Variants in CSF2RA observed in about 807,000 individuals in gnomAD.
The protein encoded by CSF2RA is colony stimulating factor 2 receptor subunit alpha, also known as granulocyte-macrophage colony-stimulating factor receptor subunit alpha.
A neutral mutation model predicts 51.6 loss-of-function variants in CSF2RA; 42 were observed. The ratio of observed to expected loss-of-function variants is 0.81; its 90% CI spans 0.64 to 1.05. The LOEUF (loss-of-function observed/expected upper bound fraction) is 1.05, where lower values mean the gene tolerates loss of function less well. Among genes scored for constraint, CSF2RA ranks in the 50% least tolerant of loss-of-function variants. The pLI is 0.00. For missense variants in CSF2RA, 530 were observed against 501.1 expected, an observed-to-expected ratio of 1.06 and a Z score of -0.55; for synonymous variants, 222 against 193.0, an observed-to-expected ratio of 1.15 and a Z score of -1.24.
At chrX:1,318,548 C>A in the CSF2RA span, among the ~76,000 whole-genome samples, 6 of 152,162 alleles carry the variant, frequency 3.9e-5, no homozygotes, top group South Asian at 1.2e-3. Flanking sequence ...CCCCACTCCC[C>A]CTGAGCCGCC....
Position 1,285,771 on chromosome X carries a change from C to T in CSF2RA, c.77-7C>T. Reference sequence around the variant, plus strand: ...GAAATTCTGAACCCAGTGCCCGCTCCTTGCAGATCTGCGAACAGTGGCACC... The same window carrying T: ...GAAATTCTGAACCCAGTGCCCGCTCTTTGCAGATCTGCGAACAGTGGCACC... On this transcript the variant is annotated splice_region_variant and splice_polypyrimidine_tract_variant and intron_variant, in intron 3 of 12. Transcript: ENST00000381529. The T allele has an allele frequency of 1.9e-6, 3 of 1,612,278 alleles. No homozygotes were observed. Among genetic ancestry groups the T allele is most frequent in the Non-Finnish European group, 2.5e-6 (3 of 1,179,390 alleles).
Position 1,309,883 on chromosome X carries a change from A to T in CSF2RA, c.*404A>T. On this transcript the variant is annotated 3_prime_UTR_variant, in exon 13 of 13. Transcript: ENST00000381529. ...AACCTGCGTGACAGAGCAAGATTGC[A>T]TCTCAAAACAAACAATAATAATAAA... The T allele has an allele frequency of 1.7e-6, 1 of 583,638 alleles. No individual in the cohort carries two copies. Among genetic ancestry groups the T allele is most frequent in the Non-Finnish European group, 3.0e-6 (1 of 329,784 alleles). The allele number at this position is 583,638 out of a possible 1,614,324, so 36.2% of individuals were successfully genotyped here.
chrX:1,286,471 AGGC>A (rs1450609289), intron 4 of CSF2RA, among the ~76,000 whole-genome samples: 3 of 110,806 alleles, frequency 2.7e-5, no homozygotes, highest in African/African-American at 9.4e-5. Context: ...CGGGAGGCTG[AGGC>A]AGGAGAATTA....
At chrX:1,289,675 TG>T (rs2091155888) in intron 6 of CSF2RA, among the ~76,000 whole-genome samples, 1 of 150,100 alleles carries the variant, frequency 6.7e-6, no homozygotes, top group South Asian at 2.1e-4. Context: ...GTTTTTGTTT[TG>T]TGTTGTGTTT....
At position 1,309,185 on chromosome X, in the gene CSF2RA, G is replaced by C. The variant is rs188160573; in HGVS notation, c.1126-217G>C. Among the ~76,000 whole-genome samples the C allele has an allele frequency of 3.3e-5, 5 of 152,076 alleles. No individual in the cohort carries two copies. In the East Asian group the frequency reaches 5.8e-4, roughly 18 times the overall value. On this transcript the variant is annotated intron_variant, in intron 12 of 12. Coordinates refer to ENST00000381529, the MANE Select transcript of CSF2RA (RefSeq NM_172245.4). The stretch of plus-strand genomic sequence containing the variant: ...CTGATCAGTCAAATTTGTGGTGGCG[G>C]GCGCCTGTAATCCCAGCTACTCAGG...
intron 12 of CSF2RA, chrX:1,305,789 C>T (rs1207901438): frequency 4.2e-5 from 65 of 1,550,454 alleles, no homozygotes; most frequent in Non-Finnish European, 5.1e-5. Context: ...GAGGAGAAGA[C>T]GGTAGAGAGG....
At chrX:1,272,381 CA>C (rs56208355) in intron 1 of CSF2RA, among the ~76,000 whole-genome samples, 32 of 142,704 alleles carry the variant, frequency 2.2e-4, no homozygotes, top group South Asian at 1.3e-3. Context: ...GATCCTGGTA[CA>C]AAAAAAAAAA....
At chrX:1,293,484 G>C (rs1214117406) in intron 7 of CSF2RA, among the ~76,000 whole-genome samples, 2 of 149,374 alleles carry the variant, frequency 1.3e-5, no homozygotes, top group Non-Finnish European at 3.0e-5. Context: ...CTCCCAAAGT[G>C]CTGGGATTAC....
At chrX:1,306,030 C>T (rs1326198360) in intron 12 of CSF2RA, 4 of 477,226 alleles carry the variant, frequency 8.4e-6, no homozygotes, top group East Asian at 4.0e-5. Context: ...TGCAGTGAGC[C>T]GAGATCGCAC....
intron 7 of CSF2RA, among the ~76,000 whole-genome samples, chrX:1,293,363 C>G (rs75961399): frequency 6.6e-6 from 1 of 151,712 alleles, no homozygotes; most frequent in South Asian, 2.1e-4. Context: ...GGACTACAGG[C>G]ACCCGCCACC....
At chrX:1,282,271 A>G (rs2090153841) in intron 2 of CSF2RA, 5 of 203,996 alleles carry the variant, frequency 2.5e-5, no homozygotes, top group Non-Finnish European at 5.0e-5. Context: ...AACCTGAGCC[A>G]TCGTTTATCT....
rs771483209 is a variant in CSF2RA, at chrX:1,309,924, A to G, written c.*445A>G. ...TAATAATAAATAATAAAAACCTGAT[A>G]TTTGGCTGGGCGCCGTGGCTCATGC... On this transcript the variant is annotated 3_prime_UTR_variant, in exon 13 of 13. Coordinates refer to ENST00000381529, the MANE Select transcript of CSF2RA (RefSeq NM_172245.4). 71 of 558,668 alleles carry G rather than the reference A, an allele frequency of 1.3e-4. No individual in the cohort carries two copies. Among genetic ancestry groups the G allele is most frequent in the African/African-American group, 1.2e-3 (62 of 53,152 alleles). The allele number at this position is 558,668 out of a possible 1,614,324, so 34.6% of individuals were successfully genotyped here.
chrX:1,291,896 G>A (rs1179210765), intron 7 of CSF2RA, among the ~76,000 whole-genome samples: 1 of 144,864 alleles, frequency 6.9e-6, no homozygotes, highest in Non-Finnish European at 1.5e-5. Flanking sequence ...ACGTCCACCT[G>A]GACCCAGTGT....
intron 1 of CSF2RA, among the ~76,000 whole-genome samples, chrX:1,273,469 C>A (rs1235787594): frequency 6.6e-6 from 1 of 151,802 alleles, no homozygotes; most frequent in Non-Finnish European, 1.5e-5. Context: ...CATGAGCCAT[C>A]GTGCCCAGAT....
At chrX:1,288,188 A>T in intron 4 of CSF2RA, among the ~76,000 whole-genome samples, 1 of 151,772 alleles carries the variant, frequency 6.6e-6, no homozygotes, top group Non-Finnish European at 1.5e-5. Flanking sequence ...TCCAGGTAAA[A>T]ACCAATACCA....
intron 2 of CSF2RA, among the ~76,000 whole-genome samples, chrX:1,276,039 C>T (rs1416587572): frequency 6.6e-6 from 1 of 151,570 alleles, no homozygotes; most frequent in Non-Finnish European, 1.5e-5. Flanking sequence ...CTCACTCTGT[C>T]GCCCAGGCTG....
At chrX:1,295,167 GA>G (rs1295227908) in intron 8 of CSF2RA, among the ~76,000 whole-genome samples, 2 of 152,144 alleles carry the variant, frequency 1.3e-5, no homozygotes, top group African/African-American at 4.8e-5. Context: ...TGGACGACAG[GA>G]GAACACCCTG....
intron 2 of CSF2RA, among the ~76,000 whole-genome samples, chrX:1,280,053 G>C (rs1417267462): frequency 6.6e-6 from 1 of 151,922 alleles, no homozygotes; most frequent in East Asian, 2.0e-4. Flanking sequence ...GCCTCCCAAA[G>C]TGCTGGGATT....
At chrX:1,319,304 A>G in the CSF2RA span, among the ~76,000 whole-genome samples, 1 of 127,342 alleles carries the variant, frequency 7.9e-6, no homozygotes, top group Non-Finnish European at 1.7e-5. Flanking sequence ...CCTCCTTTTT[A>G]AATTTTTGAG....
Sources: gnomAD v4.1 joint callset for allele counts (sites outside exome capture counted in the v4.1 genomes callset) on GRCh38, gnomAD v4.1.1 for gene constraint, MANE v1.5 for transcripts, NCBI Gene and HGNC (gene_info 2026-07-23, HGNC 2026-07-21) for gene names.